The following WWC2 variants were observed in gnomAD, a reference collection of about 807,000 sequenced individuals.
WWC2 encodes WW and C2 domain containing 2.
Under a neutral mutation model 138.5 loss-of-function variants are expected in WWC2, and 101 were observed. The observed-to-expected ratio is 0.73, with a 90% CI of 0.62 to 0.86. WWC2 has a LOEUF of 0.86. Among genes scored for constraint, WWC2 ranks in the 40% least tolerant of loss-of-function variants. The pLI is 0.00. For synonymous variants in WWC2, 558 were observed against 538.4 expected (o/e 1.04, Z -0.50); for missense variants, 1,420 against 1,419.4 (o/e 1.00, Z -0.01).
intron 1 of WWC2, among the ~76,000 whole-genome samples, chr4:183,107,736 A>G (rs1332831874): frequency 6.6e-6 from 1 of 151,966 alleles, no homozygotes; most frequent in Non-Finnish European, 1.5e-5. Context: ...TGATTATTTA[A>G]TACTGACATT....
chr4:183,216,008 G>T (rs1735745430), intron 4 of WWC2, among the ~76,000 whole-genome samples: 1 of 152,076 alleles, frequency 6.6e-6, no homozygotes, highest in African/African-American at 2.4e-5. Flanking sequence ...AAGGTCATAG[G>T]GTCTAAGCTT....
At chr4:183,099,721 T>C in intron 1 of WWC2, 99 bp downstream of exon 1, 1 of 1,104,602 alleles carries the variant, frequency 9.1e-7, no homozygotes, top group Non-Finnish European at 1.1e-6. Context: ...CGGCCCGCGG[T>C]GCCCCGAGGG....
chr4:183,135,265 T>C (rs1733073284), intron 1 of WWC2, among the ~76,000 whole-genome samples: 2 of 152,172 alleles, frequency 1.3e-5, no homozygotes, highest in South Asian at 4.1e-4. Flanking sequence ...TTATTGTAAT[T>C]ATTACTGTGT....
intron 19 of WWC2, 29 bp downstream of exon 19, chr4:183,284,419 C>T: frequency 6.2e-7 from 1 of 1,602,442 alleles, no homozygotes; most frequent in South Asian, 1.1e-5. Flanking sequence ...TGGTGAGGCG[C>T]TGGGACTGCA....
intron 4 of WWC2, among the ~76,000 whole-genome samples, chr4:183,210,293 G>A (rs1293387553): frequency 6.6e-6 from 1 of 152,016 alleles, no homozygotes; most frequent in African/African-American, 2.4e-5. Flanking sequence ...CGGAGGTGAG[G>A]GGAGATGAAA....
intron 1 of WWC2, among the ~76,000 whole-genome samples, chr4:183,155,141 C>T (rs1011035227): frequency 5.3e-5 from 8 of 151,700 alleles, no homozygotes; most frequent in African/African-American, 1.7e-4. Context: ...GTAGGGCTGT[C>T]ATACTGCTTA....
At chr4:183,244,100 C>T (rs535685459) in intron 5 of WWC2, among the ~76,000 whole-genome samples, 1 of 151,988 alleles carries the variant, frequency 6.6e-6, no homozygotes, top group Non-Finnish European at 1.5e-5. Context: ...TTCCCCGATT[C>T]AGTAGGTACT....
At chr4:183,218,998 A>G (rs1026943568) in intron 4 of WWC2, among the ~76,000 whole-genome samples, 1 of 152,256 alleles carries the variant, frequency 6.6e-6, no homozygotes, top group Non-Finnish European at 1.5e-5. Flanking sequence ...ATAATGCAAT[A>G]TTATTAAGCT....
chr4:183,202,350 G>A (rs1435491237), intron 2 of WWC2, among the ~76,000 whole-genome samples: 1 of 152,052 alleles, frequency 6.6e-6, no homozygotes, highest in Non-Finnish European at 1.5e-5. Flanking sequence ...CCTGGGAGGG[G>A]CAGTCTCTTC....
At chr4:183,260,450 A>G (rs181010089) in intron 10 of WWC2, among the ~76,000 whole-genome samples, 23 of 152,346 alleles carry the variant, frequency 1.5e-4, no homozygotes, top group African/African-American at 5.5e-4. Flanking sequence ...TTTTTGGTCA[A>G]GGGCAGACTG....
At chr4:183,276,656 A>G (rs965901179) in intron 16 of WWC2, among the ~76,000 whole-genome samples, 1 of 152,090 alleles carries the variant, frequency 6.6e-6, no homozygotes, top group Non-Finnish European at 1.5e-5. Flanking sequence ...GACAGTTAGT[A>G]TTCATTCAGA....
chr4:183,180,878 A>G (rs1416923876), intron 1 of WWC2, among the ~76,000 whole-genome samples: 1 of 152,148 alleles, frequency 6.6e-6, no homozygotes, highest in Non-Finnish European at 1.5e-5. Flanking sequence ...TACATAGTCT[A>G]CAAACACTGA....
At chr4:183,124,089 T>G (rs903089599) in intron 1 of WWC2, among the ~76,000 whole-genome samples, 1 of 152,220 alleles carries the variant, frequency 6.6e-6, no homozygotes, top group African/African-American at 2.4e-5. Context: ...TCTTGTACTT[T>G]TTCTGGGAAG....
At chr4:183,277,824 G>A (rs1447515498) in intron 16 of WWC2, among the ~76,000 whole-genome samples, 3,124 of 149,980 alleles carry the variant, frequency 0.021, 91 homozygotes, top group African/African-American at 0.072. Flanking sequence ...TTTTTGATGG[G>A]GTTGTTTTTT....
At position 183,265,340 on chromosome 4, in the gene WWC2, T is replaced by G. The variant is rs1017668114; in HGVS notation, c.2039+233T>G. Among the ~76,000 whole-genome samples the G allele has an allele frequency of 3.6e-4, 55 of 152,224 alleles. 1 individual carries two copies. Among genetic ancestry groups the G allele is most frequent in the Middle Eastern group, 3.2e-3 (1 of 316 alleles). On this transcript the variant is annotated intron_variant, in intron 12 of 22. Coordinates refer to ENST00000403733, the MANE Select transcript of WWC2 (RefSeq NM_024949.6). ...GAGGCAATTGACCCTCTTTAGAATT[T>G]AAAAACCTTGAATTTAGTGGGAATA... is the stretch of plus-strand genomic sequence containing the variant.
intron 16 of WWC2, among the ~76,000 whole-genome samples, chr4:183,277,925 GT>G (rs1212491669): frequency 1.3e-5 from 2 of 151,008 alleles, no homozygotes; most frequent in Non-Finnish European, 3.0e-5. Context: ...CATTTTGTAG[GT>G]TGCCTGTTCA....
chr4:183,110,865 G>A (rs1250787271), intron 1 of WWC2, among the ~76,000 whole-genome samples: 1 of 152,126 alleles, frequency 6.6e-6, no homozygotes, highest in African/African-American at 2.4e-5. Context: ...CCTGGGTTGT[G>A]TTGGTCACCA....
intron 5 of WWC2, among the ~76,000 whole-genome samples, chr4:183,241,121 C>T (rs55806557): frequency 0.14 from 20,579 of 152,148 alleles, 1,756 homozygotes; most frequent in South Asian, 0.25. Flanking sequence ...CTTGGTGCCT[C>T]CAAGTGCGGT....
Position 183,315,774 on chromosome 4 carries a change from G to A in WWC2, c.*45G>A. On this transcript the variant is annotated 3_prime_UTR_variant, in exon 23 of 23. Transcript: ENST00000403733. ...ATTTTTTCATCTGTTCACTTTCTTA[G>A]GGAGGGTAAAAGACTGAAGATTTGT... 2 of 1,521,750 alleles carry A rather than the reference G, an allele frequency of 1.3e-6. No homozygotes were observed. The highest frequency in any genetic ancestry group is 2.3e-5 in the East Asian group (1 of 44,092). The allele number at this position is 1,521,750 out of a possible 1,614,324, so 94.3% of individuals were successfully genotyped here.
Sources: allele counts gnomAD v4.1 joint callset (sites outside exome capture counted in the v4.1 genomes callset), GRCh38; gene constraint gnomAD v4.1.1; transcripts MANE v1.5; gene names NCBI Gene and HGNC (gene_info 2026-07-23, HGNC 2026-07-21).